ZNF569: variants seen among roughly 807,000 people sequenced by gnomAD.
ZNF569 encodes the protein zinc finger protein 569, also known as DNA-binding protein.
A neutral mutation model predicts 56.3 loss-of-function variants in ZNF569; 38 were observed. The ratio of observed to expected loss-of-function variants is 0.68; its 90% CI spans 0.52 to 0.88. ZNF569 has a LOEUF of 0.88. ZNF569 is among the 40% of genes least tolerant of loss of function. The pLI is 0.00. For missense variants in ZNF569, 666 were observed against 809.2 expected, an observed-to-expected ratio of 0.82 and a Z score of 2.15; for synonymous variants, 241 against 262.9, an observed-to-expected ratio of 0.92 and a Z score of 0.81.
chr19:37,419,969 CTT>C (rs60568702), intron 5 of ZNF569, among the ~76,000 whole-genome samples: 2,418 of 100,536 alleles, frequency 0.024, 41 homozygotes, highest in African/African-American at 0.072. Context: ...TCTTTTCTTT[CTT>C]TTTTTTTTTT....
At chr19:37,425,690 C>G (rs1336108862) in intron 5 of ZNF569, 178 bp downstream of exon 5, 1 of 515,288 alleles carries the variant, frequency 1.9e-6, no homozygotes, top group Non-Finnish European at 3.5e-6. Flanking sequence ...GTCCCAAACT[C>G]CTGGACTCAA....
chr19:37,465,612 G>A (rs2041817790), intron 1 of ZNF569, 139 bp from the exon 2 acceptor site: 1 of 152,130 alleles, frequency 6.6e-6, no homozygotes, highest in African/African-American at 2.4e-5. Flanking sequence ...GGTTAACAAA[G>A]ATTACTACTA....
At chr19:37,441,552 TG>T (rs1163515558) in intron 3 of ZNF569, among the ~76,000 whole-genome samples, 3 of 151,530 alleles carry the variant, frequency 2.0e-5, no homozygotes, top group African/African-American at 7.3e-5. Context: ...CCCAGCTACT[TG>T]GGTAGCTGAA....
chr19:37,417,028 G>T (rs1340328764), intron 5 of ZNF569, among the ~76,000 whole-genome samples: 1 of 152,138 alleles, frequency 6.6e-6, no homozygotes, highest in Non-Finnish European at 1.5e-5. Flanking sequence ...CATGCGATAC[G>T]ACTCGTGTTC....
Position 37,412,284 on chromosome 19 carries a change from CCTTA to C in ZNF569, c.*309_*312del, listed in dbSNP as rs1319069835. The stretch of plus-strand genomic sequence containing the variant: ...ATAGTTCTTCGTTGATACTTGTTTT[CCTTA>C]CTTAATACATTGGCTAGGAGCTCAA... On this transcript the variant is annotated 3_prime_UTR_variant, in exon 6 of 6. Transcript: ENST00000316950. 7 of 246,940 alleles carry C rather than the reference CCTTA, an allele frequency of 2.8e-5. No individual in the cohort carries two copies. The highest frequency in any genetic ancestry group is 1.6e-4 in the South Asian group (1 of 6,112). The allele number at this position is 246,940 out of a possible 1,614,324, so 15.3% of individuals were successfully genotyped here. A position where few individuals can be genotyped will look rare whatever the true frequency, so the allele number is the denominator to read the frequency against.
At chr19:37,421,656 C>A (rs1459871935) in intron 5 of ZNF569, among the ~76,000 whole-genome samples, 2 of 151,926 alleles carry the variant, frequency 1.3e-5, no homozygotes, top group Admixed American at 1.3e-4. Flanking sequence ...GATCTTCTAC[C>A]CAGACAACTA....
chr19:37,453,943 T>C (rs1295425859), intron 2 of ZNF569, among the ~76,000 whole-genome samples: 1 of 152,248 alleles, frequency 6.6e-6, no homozygotes, highest in Non-Finnish European at 1.5e-5. Flanking sequence ...TGCCTTTTTA[T>C]ATGCCTCATA....
At chr19:37,437,601 G>T (rs1188573418) in intron 3 of ZNF569, among the ~76,000 whole-genome samples, 2 of 152,090 alleles carry the variant, frequency 1.3e-5, no homozygotes, top group African/African-American at 4.8e-5. Flanking sequence ...AGCAAAAAAA[G>T]TACCAGAACT....
Position 37,414,428 on chromosome 19 carries a change from G to A in ZNF569, c.239-9C>T. ...AACTCCCCATATTTCTCCTAAAACAGATTGCAAATAAATATCACTTACAAA... is the reference window on the plus strand; with the variant it reads ...AACTCCCCATATTTCTCCTAAAACAAATTGCAAATAAATATCACTTACAAA... On this transcript the variant is annotated splice_polypyrimidine_tract_variant and intron_variant, in intron 5 of 5. Coordinates refer to ENST00000316950, the MANE Select transcript of ZNF569 (RefSeq NM_152484.3). 1 of 1,536,172 alleles carries A rather than the reference G, an allele frequency of 6.5e-7. No homozygotes were observed. The highest frequency in any genetic ancestry group is 8.7e-7 in the Non-Finnish European group (1 of 1,147,794).
chr19:37,441,647 C>A lies in ZNF569; in HGVS notation c.15+3260G>T, dbSNP rs116641141. 2.6e-3 allele frequency among the ~76,000 whole-genome samples: 394 copies of A among 151,460 alleles called. 1 individual carries two copies. Among genetic ancestry groups the A allele is most frequent in the African/African-American group, 9.3e-3 (382 of 41,264 alleles). On this transcript the variant is annotated intron_variant, in intron 3 of 5. Transcript: ENST00000316950. ...CGCCAGCCTGGGTGACAGAGTAAGA[C>A]CCTGTTTCAAAAAAAAAAAAAGAAG...
At chr19:37,456,156 C>G (rs1390417785) in intron 2 of ZNF569, among the ~76,000 whole-genome samples, 2 of 152,188 alleles carry the variant, frequency 1.3e-5, no homozygotes, top group East Asian at 3.8e-4. Context: ...CATTCTACTT[C>G]TAGATCATTC....
intron 2 of ZNF569, among the ~76,000 whole-genome samples, chr19:37,446,189 A>G (rs1203030485): frequency 6.6e-6 from 1 of 152,216 alleles, no homozygotes; most frequent in Non-Finnish European, 1.5e-5. Context: ...AAACAAAAAC[A>G]TAAAGTGGGG....
At chr19:37,441,759 T>C (rs927883516) in intron 3 of ZNF569, among the ~76,000 whole-genome samples, 2 of 152,008 alleles carry the variant, frequency 1.3e-5, no homozygotes, top group South Asian at 2.1e-4. Flanking sequence ...TCTACAGAGA[T>C]AGCAAGAACC....
chr19:37,426,670 GA>G (rs2041138688), intron 3 of ZNF569, among the ~76,000 whole-genome samples: 1 of 152,278 alleles, frequency 6.6e-6, no homozygotes, highest in African/African-American at 2.4e-5. Flanking sequence ...CCAAAGGCAG[GA>G]AAAAATGAAA....
In ZNF569 at chr19:37,424,103, CTT is replaced by C. The variant is rs2041083783; in HGVS notation, c.238+1763_238+1764del. Among the ~76,000 whole-genome samples, 6 of 152,092 alleles carry C rather than the reference CTT, an allele frequency of 3.9e-5. No individual in the cohort carries two copies. In the South Asian group the frequency reaches 1.2e-3, roughly 32 times the overall value. On this transcript the variant is annotated intron_variant, in intron 5 of 5. Transcript: ENST00000316950. Reference sequence around the variant, plus strand: ...GGAGCTACCAAAAAATCAGCACTGACTTAAAACTTTTATTGAAATAAAGGGTG... The same window carrying C: ...GGAGCTACCAAAAAATCAGCACTGACAAAACTTTTATTGAAATAAAGGGTG...
upstream of ZNF569, chr19:37,467,615 T>C (rs1014837900): frequency 1.6e-5 from 9 of 558,914 alleles, no homozygotes; most frequent in South Asian, 2.0e-4. Context: ...GAGGCTAGAA[T>C]ACAGCGGGGT....
intron 3 of ZNF569, among the ~76,000 whole-genome samples, chr19:37,440,229 A>ATT: frequency 6.6e-6 from 1 of 152,304 alleles, no homozygotes; most frequent in East Asian, 1.9e-4. Context: ...ACTAACAACA[A>ATT]AGAATCCTAT....
At chr19:37,449,041 C>T (rs552930561) in intron 2 of ZNF569, among the ~76,000 whole-genome samples, 3 of 152,186 alleles carry the variant, frequency 2.0e-5, no homozygotes, top group Admixed American at 1.3e-4. Flanking sequence ...CATTTTCTTT[C>T]GAATTATTTT....
At chr19:37,458,164 C>A (rs2041702815) in intron 2 of ZNF569, among the ~76,000 whole-genome samples, 1 of 152,170 alleles carries the variant, frequency 6.6e-6, no homozygotes, top group Admixed American at 6.5e-5. Context: ...AGCCACCATG[C>A]CCAGCCTGAT....
Sources: gnomAD v4.1 joint callset for allele counts (sites outside exome capture counted in the v4.1 genomes callset) on GRCh38, gnomAD v4.1.1 for gene constraint, MANE v1.5 for transcripts, NCBI Gene and HGNC (gene_info 2026-07-23, HGNC 2026-07-21) for gene names.